Variants in ZNF521 observed in about 807,000 individuals in gnomAD.
The protein encoded by ZNF521 is LYST-interacting protein 3.
ZNF521 carries 14 observed loss-of-function variants against 105.5 expected under a neutral mutation model. The observed-to-expected ratio is 0.13, with a 90% confidence interval of 0.09 to 0.21. The LOEUF (loss-of-function observed/expected upper bound fraction) is 0.21. Ranked by LOEUF, ZNF521 falls within the 10% of genes least tolerant of loss-of-function variation. ZNF521 has a pLI of 1.00. For missense variants in ZNF521, 1,233 were observed against 1,629.7 expected (o/e 0.76, Z 4.19); for synonymous variants, 635 against 606.0 (o/e 1.05, Z -0.70).
chr18:25,248,706 A>AGGCACTGGCATATGCACACAAATTTCC (rs1350804633), intron 3 of ZNF521, among the ~76,000 whole-genome samples: 1 of 152,218 alleles, frequency 6.6e-6, no homozygotes, highest in Admixed American at 6.5e-5. Flanking sequence ...AAGACCTTGC[A>AGGCACTGGCATATGCACACAAATTTCC]GGCACTGGCA....
At chr18:25,193,709 A>G (rs1372367070) in intron 5 of ZNF521, among the ~76,000 whole-genome samples, 1 of 152,038 alleles carries the variant, frequency 6.6e-6, no homozygotes, top group Non-Finnish European at 1.5e-5. Context: ...AATCTCTCCT[A>G]CATTTTGCCA....
At chr18:25,089,395 T>C in intron 7 of ZNF521, 70 bp downstream of exon 7, 1 of 1,218,796 alleles carries the variant, frequency 8.2e-7, no homozygotes, top group South Asian at 1.3e-5. Flanking sequence ...GAATCCAGAT[T>C]TAAAATGCCC....
chr18:25,320,761 A>T (rs1912896156), intron 3 of ZNF521, among the ~76,000 whole-genome samples: 2 of 152,176 alleles, frequency 1.3e-5, no homozygotes, highest in Non-Finnish European at 2.9e-5. Context: ...TGCTCCCTAG[A>T]AGCATATATA....
At chr18:25,127,689 G>A (rs1016047887) in intron 5 of ZNF521, among the ~76,000 whole-genome samples, 2 of 151,958 alleles carry the variant, frequency 1.3e-5, no homozygotes, top group East Asian at 3.9e-4. Context: ...TTCAAGTGTG[G>A]TAATCACTTA....
intron 3 of ZNF521, among the ~76,000 whole-genome samples, chr18:25,231,874 T>C (rs1906552974): frequency 6.6e-6 from 1 of 152,208 alleles, no homozygotes; most frequent in Non-Finnish European, 1.5e-5. Flanking sequence ...GAGAAACTAA[T>C]GTAAGAAAGT....
At chr18:25,105,586 G>A (rs1330754137) in intron 5 of ZNF521, among the ~76,000 whole-genome samples, 3 of 152,106 alleles carry the variant, frequency 2.0e-5, no homozygotes, top group South Asian at 2.1e-4. Context: ...TTTTCAAAAT[G>A]TGTGGGTGTG....
chr18:25,334,739 G>C (rs755017518), intron 2 of ZNF521, among the ~76,000 whole-genome samples: 2 of 152,086 alleles, frequency 1.3e-5, no homozygotes, highest in Non-Finnish European at 2.9e-5. Context: ...CAAAGCAGCC[G>C]CAATACTGAG....
At position 25,120,066 on chromosome 18, in the gene ZNF521, A is replaced by T. The variant is rs569752564; in HGVS notation, c.3659-27985T>A. 1.1e-3 allele frequency among the ~76,000 whole-genome samples: 171 copies of T among 152,316 alleles called. 1 individual carries two copies. Among genetic ancestry groups the T allele is most frequent in the Non-Finnish European group, 2.0e-3 (136 of 68,020 alleles). The stretch of plus-strand genomic sequence containing the variant: ...TTTTATGCCAACAAATTTGACACAA[A>T]ATTAAACAGAAAATCTGAACAGCCT... On this transcript the variant is annotated intron_variant, in intron 5 of 7. Transcript: ENST00000361524.
chr18:25,321,301 T>C (rs977241230), intron 3 of ZNF521, among the ~76,000 whole-genome samples: 1 of 152,236 alleles, frequency 6.6e-6, no homozygotes, highest in Non-Finnish European at 1.5e-5. Flanking sequence ...AGATATTTGG[T>C]AAACTGAGTC....
intron 3 of ZNF521, among the ~76,000 whole-genome samples, chr18:25,267,549 T>C (rs1909356169): frequency 6.6e-6 from 1 of 152,068 alleles, no homozygotes; most frequent in African/African-American, 2.4e-5. Flanking sequence ...ATCTGGTGGG[T>C]GACCCTCTGG....
At chr18:25,078,611 A>C (rs1340277003) in intron 7 of ZNF521, among the ~76,000 whole-genome samples, 1 of 152,240 alleles carries the variant, frequency 6.6e-6, no homozygotes, top group Non-Finnish European at 1.5e-5. Context: ...CTAAGGCATA[A>C]AAAGGCCATT....
At chr18:25,068,941 C>T (rs2033145418) in intron 7 of ZNF521, among the ~76,000 whole-genome samples, 1 of 152,138 alleles carries the variant, frequency 6.6e-6, no homozygotes, top group Non-Finnish European at 1.5e-5. Flanking sequence ...AAAATAAAAC[C>T]CTCCGGGATC....
Position 25,227,657 on chromosome 18 carries a change from T to C in ZNF521, c.261A>G (p.Pro87=), listed in dbSNP as rs200548783. Residue 87 remains proline (P), a synonymous_variant, in exon 4 of 8, where the codon CCA becomes CCG. Transcript: ENST00000361524. The surrounding 1 kb of genome is among the most constrained non-coding windows in gnomAD (Gnocchi z 5.7). ...GATCCTTGCTAGAAGGTGAGGAAGCTGGCCAAGAGCAAGTCGGATCATCTT... is the reference window on the plus strand; with the variant it reads ...GATCCTTGCTAGAAGGTGAGGAAGCCGGCCAAGAGCAAGTCGGATCATCTT... ...DVEDDPTCSW[P]ASSPSSKDQT... 1.7e-3 allele frequency: 2,710 copies of C among 1,613,938 alleles called. 59 individuals are homozygous for C. In the South Asian group the frequency reaches 0.028, roughly 17 times the overall value.
intron 3 of ZNF521, among the ~76,000 whole-genome samples, chr18:25,275,456 T>C (rs184907064): frequency 5.9e-5 from 9 of 152,324 alleles, no homozygotes; most frequent in Non-Finnish European, 8.8e-5. Flanking sequence ...CTTTGATTTA[T>C]TGGCCATCCG....
intron 5 of ZNF521, among the ~76,000 whole-genome samples, chr18:25,144,146 A>G (rs1944700755): frequency 6.6e-6 from 1 of 152,228 alleles, no homozygotes; most frequent in Admixed American, 6.5e-5. Flanking sequence ...AGCCAGACAC[A>G]CACGCTCAGG....
intron 5 of ZNF521, among the ~76,000 whole-genome samples, chr18:25,184,589 G>T (rs1600130740): frequency 6.6e-6 from 1 of 152,170 alleles, no homozygotes; most frequent in African/African-American, 2.4e-5. Flanking sequence ...CACTAGAAAT[G>T]ACAGCTAAAA....
In ZNF521 at chr18:25,062,544, G is replaced by T; in HGVS notation, c.*168C>A. 1.1e-6 allele frequency: 1 copy of T among 878,938 alleles called. No individual in the cohort carries two copies. The highest frequency in any genetic ancestry group is 1.8e-6 in the Non-Finnish European group (1 of 568,342). The allele number at this position is 878,938 out of a possible 1,614,324, so 54.4% of individuals were successfully genotyped here. A position where few individuals can be genotyped will look rare whatever the true frequency, so the allele number is the denominator to read the frequency against. The stretch of plus-strand genomic sequence containing the variant: ...TATATACAAGGGGTCTATCCGGTGC[G>T]CAAAAGTTCAAACACATGAACATCC... On this transcript the variant is annotated 3_prime_UTR_variant, in exon 8 of 8. Coordinates refer to ENST00000361524, the MANE Select transcript of ZNF521 (RefSeq NM_015461.3).
intron 4 of ZNF521, among the ~76,000 whole-genome samples, chr18:25,223,076 T>C (rs1402749651): frequency 6.6e-6 from 1 of 152,190 alleles, no homozygotes; most frequent in South Asian, 2.1e-4. Context: ...AAGTAAAAAC[T>C]TGGAAAACCC....
At chr18:25,339,453 G>A (rs559896004) in intron 2 of ZNF521, among the ~76,000 whole-genome samples, 37 of 152,188 alleles carry the variant, frequency 2.4e-4, no homozygotes, top group African/African-American at 8.2e-4. Flanking sequence ...CATTAACATC[G>A]GTGCTGTCCC....
Sources: allele counts gnomAD v4.1 joint callset (sites outside exome capture counted in the v4.1 genomes callset), GRCh38; gene constraint gnomAD v4.1.1; non-coding constraint Gnocchi (gnomAD v3.1); transcripts MANE v1.5; gene names NCBI Gene and HGNC (gene_info 2026-07-23, HGNC 2026-07-21).